ZMYM2: variants seen among roughly 807,000 people sequenced by gnomAD.
ZMYM2 encodes zinc finger MYM-type protein 2.
Under a neutral mutation model 162.8 loss-of-function variants are expected in ZMYM2, and 56 were observed. The ratio of observed to expected loss-of-function variants is 0.34; its 90% CI spans 0.28 to 0.43. ZMYM2 has a LOEUF of 0.43. Ranked by LOEUF, ZMYM2 falls within the 20% of genes least tolerant of loss-of-function variation. The probability of loss-of-function intolerance (pLI) is 1.00; values close to 1 mark genes in which losing one functional copy is unlikely to be tolerated. For missense variants in ZMYM2, 1,275 were observed against 1,621.8 expected (o/e 0.79, Z 3.67); for synonymous variants, 510 against 541.6 (o/e 0.94, Z 0.81).
rs150177338 is a variant in ZMYM2, at chr13:20,068,931, G to A, written c.3453+1541G>A. ...ATTTCATTTAGAAATTTCATTTCTG[G>A]TAGAAACAAGGCTTAAAAACATATT... On this transcript the variant is annotated intron_variant, in intron 21 of 24. Transcript: ENST00000610343. Among the ~76,000 whole-genome samples the A allele has an allele frequency of 1.1e-3, 171 of 152,014 alleles. 1 individual carries two copies. In the Middle Eastern group the frequency reaches 0.017, roughly 15 times the overall value.
chr13:19,918,626 G>A, the ZMYM2 span, among the ~76,000 whole-genome samples: 1 of 149,918 alleles, frequency 6.7e-6, no homozygotes, highest in African/African-American at 2.4e-5. Context: ...AGCCTCCTGA[G>A]TAGCTGGGAT....
chr13:20,067,019 T>G lies in ZMYM2; in HGVS notation c.3301T>G (p.Ser1101Ala). ...DLLVLDELKS[S>A]KSVKLKEDLL... ...TCTGGTATTAGATGAGTTAAAATCT[T>G]GTAAGTGTTTTAATTTTGTTTCTCC... Residue 1101 changes from serine (S) to alanine (A), a missense_variant and splice_region_variant, in exon 20 of 25, where the codon TCT (serine) becomes GCT (alanine). Around this residue, in one of 10 missense-constraint regions of ZMYM2, gnomAD observed 229 missense variants for 283.8 expected, o/e 0.81. Coordinates refer to ENST00000610343, the MANE Select transcript of ZMYM2 (RefSeq NM_197968.4). 1 of 1,592,460 alleles carries G rather than the reference T, an allele frequency of 6.3e-7. No homozygotes were observed. Among genetic ancestry groups the G allele is most frequent in the Non-Finnish European group, 8.5e-7 (1 of 1,171,770 alleles).
chr13:19,986,057 C>T (rs766979896), intron 2 of ZMYM2, among the ~76,000 whole-genome samples: 1 of 151,798 alleles, frequency 6.6e-6, no homozygotes, highest in Non-Finnish European at 1.5e-5. Context: ...TGGCGTGTGG[C>T]GTGTGCCTGT....
chr13:20,061,319 C>G, intron 17 of ZMYM2, 95 bp downstream of exon 17: 1 of 1,383,710 alleles, frequency 7.2e-7, no homozygotes, highest in South Asian at 1.5e-5. Flanking sequence ...CATTTTGTTT[C>G]AACTTATGTG....
At chr13:20,069,369 T>C (rs995601529) in intron 21 of ZMYM2, among the ~76,000 whole-genome samples, 6 of 152,068 alleles carry the variant, frequency 3.9e-5, no homozygotes, top group Non-Finnish European at 8.8e-5. Flanking sequence ...TTCCTGATCT[T>C]AGAGGAAAGT....
Position 19,991,750 on chromosome 13 carries a change from C to T in ZMYM2, c.-10-1313C>T, listed in dbSNP as rs1949648039. Among the ~76,000 whole-genome samples the T allele has an allele frequency of 2.6e-5, 4 of 151,696 alleles. No homozygotes were observed. In the South Asian group the frequency reaches 8.3e-4, roughly 31 times the overall value. On this transcript the variant is annotated intron_variant, in intron 2 of 24. Coordinates refer to ENST00000610343, the MANE Select transcript of ZMYM2 (RefSeq NM_197968.4). ...GCCTCAGATGATTCTCCTCTTCAGT[C>T]TCCTGAGTAGTTGGGACTACAGGCA...
chr13:20,034,163 TA>T, intron 10 of ZMYM2, 90 bp from the exon 11 acceptor site: 1 of 1,165,112 alleles, frequency 8.6e-7, no homozygotes, highest in Non-Finnish European at 1.1e-6. Context: ...ATTAAATAGG[TA>T]AATGATTTAA....
At chr13:19,995,302 G>A (rs534512679) in intron 3 of ZMYM2, among the ~76,000 whole-genome samples, 5 of 152,138 alleles carry the variant, frequency 3.3e-5, no homozygotes, top group East Asian at 1.9e-4. Flanking sequence ...CGATAATGCC[G>A]TGTTTATTTT....
rs1949754796 is a variant in ZMYM2 at position 19,993,108 on chromosome 13, TG to T, written c.37del (p.Asp13IlefsTer7). The T allele has an allele frequency of 6.2e-7, 1 of 1,612,676 alleles. No individual in the cohort carries two copies. The highest frequency in any genetic ancestry group is 8.5e-7 in the Non-Finnish European group (1 of 1,179,588). ...TSSVGGLELT[D>X]QTPVLLGSTA... is the part of the protein sequence containing the mutation. ...GTTCAGTGGGAGGATTAGAATTGAC[TG>T]ATCAGACTCCTGTTTTATTAGGGAG... On this transcript the variant is annotated frameshift_variant, in exon 3 of 25. Coordinates refer to ENST00000610343, the MANE Select transcript of ZMYM2 (RefSeq NM_197968.4). LOFTEE classifies it high-confidence loss of function.
the ZMYM2 span, among the ~76,000 whole-genome samples, chr13:19,895,076 C>CAAAAAAAAAAAAAA: frequency 3.6e-5 from 3 of 83,748 alleles, no homozygotes; most frequent in African/African-American, 9.5e-5. Context: ...AACTCCATCT[C>CAAAAAAAAAAAAAA]AAAAAAAAAA....
chr13:19,866,698 C>T, the ZMYM2 span, among the ~76,000 whole-genome samples: 2 of 152,026 alleles, frequency 1.3e-5, no homozygotes, highest in Non-Finnish European at 2.9e-5. Flanking sequence ...AAAAATTCTT[C>T]CAGCCTAGGT....
chr13:19,876,512 G>A, the ZMYM2 span, among the ~76,000 whole-genome samples: 1 of 151,624 alleles, frequency 6.6e-6, no homozygotes, highest in South Asian at 2.1e-4. Context: ...TGGTAGAGAC[G>A]GGGTTTCACC....
the ZMYM2 span, among the ~76,000 whole-genome samples, chr13:19,924,529 C>T: frequency 6.6e-6 from 1 of 152,172 alleles, no homozygotes; most frequent in South Asian, 2.1e-4. Flanking sequence ...GATAGCACCA[C>T]TGCACTCCAG....
chr13:19,893,012 C>T, the ZMYM2 span, among the ~76,000 whole-genome samples: 1 of 151,244 alleles, frequency 6.6e-6, no homozygotes, highest in East Asian at 1.9e-4. Context: ...CATGCCTGGC[C>T]GGGAGTTATT....
chr13:19,882,537 AG>A, the ZMYM2 span, among the ~76,000 whole-genome samples: 1 of 152,148 alleles, frequency 6.6e-6, no homozygotes, highest in Non-Finnish European at 1.5e-5. Context: ...ACTTGAGCCC[AG>A]GAGTTTGAGA....
At chr13:20,011,870 T>C (rs750290272) in intron 6 of ZMYM2, among the ~76,000 whole-genome samples, 3 of 151,792 alleles carry the variant, frequency 2.0e-5, no homozygotes, top group Non-Finnish European at 4.4e-5. Context: ...TGCCTCAGCC[T>C]CCCGAGTAGC....
chr13:19,965,664 T>C (rs972608084), intron 2 of ZMYM2, among the ~76,000 whole-genome samples: 1 of 152,112 alleles, frequency 6.6e-6, no homozygotes, highest in Non-Finnish European at 1.5e-5. Context: ...TAAATGAAAA[T>C]TTTATTTTAT....
intron 2 of ZMYM2, among the ~76,000 whole-genome samples, chr13:19,966,840 C>G (rs942914085): frequency 1.3e-5 from 2 of 152,180 alleles, no homozygotes. Context: ...TATAACTTTA[C>G]TATGAATATT....
intron 11 of ZMYM2, among the ~76,000 whole-genome samples, chr13:20,035,273 C>T (rs535317257): frequency 7.2e-5 from 11 of 152,232 alleles, no homozygotes; most frequent in South Asian, 4.1e-4. Context: ...TTTATCAGTT[C>T]GTTCAACTAG....
Sources: gnomAD v4.1 joint callset for allele counts (sites outside exome capture counted in the v4.1 genomes callset) on GRCh38, gnomAD v4.1.1 for gene constraint, gnomAD v4.1.1 regional missense constraint, MANE v1.5 for transcripts, NCBI Gene and HGNC (gene_info 2026-07-23, HGNC 2026-07-21) for gene names.